Variants in ABCG1 observed in about 807,000 individuals in gnomAD.
ABCG1 encodes ATP-binding cassette sub-family G member 1.
ABCG1 carries 29 observed loss-of-function variants against 69.2 expected under a neutral mutation model. The observed-to-expected ratio is 0.42, with a 90% confidence interval of 0.31 to 0.57. The LOEUF (loss-of-function observed/expected upper bound fraction) is 0.57, where lower values mean the gene tolerates loss of function less well. Among genes scored for constraint, ABCG1 ranks in the 20% least tolerant of loss-of-function variants. The probability of loss-of-function intolerance (pLI) is 0.15; values close to 1 mark genes in which losing one functional copy is unlikely to be tolerated. For synonymous variants in ABCG1, 370 were observed against 374.8 expected (o/e 0.99, Z 0.15); for missense variants, 718 against 898.1 (o/e 0.80, Z 2.56).
intron 2 of ABCG1, among the ~76,000 whole-genome samples, chr21:42,246,133 G>A (rs1601386367): frequency 6.6e-6 from 1 of 152,202 alleles, no homozygotes; most frequent in East Asian, 1.9e-4. Context: ...GACATCTGGG[G>A]AACTCATTTA....
intron 14 of ABCG1, among the ~76,000 whole-genome samples, chr21:42,295,729 G>A (rs1235135892): frequency 6.6e-6 from 1 of 152,230 alleles, no homozygotes; most frequent in Non-Finnish European, 1.5e-5. Context: ...CTCAAAATGA[G>A]TGCTTTTGTT....
At position 42,288,288 on chromosome 21, in the gene ABCG1, C is replaced by T. The variant is rs1235722348; in HGVS notation, c.1200C>T (p.Thr400=). The T allele has an allele frequency of 1.2e-6, 2 of 1,612,174 alleles. No individual in the cohort carries two copies. Among genetic ancestry groups the T allele is most frequent in the Non-Finnish European group, 8.5e-7 (1 of 1,178,504 alleles). The change falls in exon 10 of 15, where the codon ACC becomes ACT. Residue 400 remains threonine, a synonymous_variant. Transcript: ENST00000398449. The surrounding 1 kb of genome is among the most constrained non-coding windows in gnomAD (Gnocchi z 4.8). Reference sequence around the variant, plus strand: ...AGTTCTGCATCCTCTTCAAGAGGACCTTCCTCAGCATCATGAGGGACTCGG... The same window carrying T: ...AGTTCTGCATCCTCTTCAAGAGGACTTTCCTCAGCATCATGAGGGACTCGG... ...LTQFCILFKR[T]FLSIMRDSVL... is the part of the protein sequence containing the mutation.
At chr21:42,263,438 C>A (rs1025270252) in intron 2 of ABCG1, among the ~76,000 whole-genome samples, 11 of 152,190 alleles carry the variant, frequency 7.2e-5, no homozygotes, top group African/African-American at 2.7e-4. Context: ...TGAGGGAGCT[C>A]CTAGGAGTGG....
Position 42,279,842 on chromosome 21 carries a change from G to A in ABCG1, c.589-2432G>A, listed in dbSNP as rs542646083. Among the ~76,000 whole-genome samples the A allele has an allele frequency of 5.3e-5, 8 of 152,310 alleles. No homozygotes were observed. In the South Asian group the frequency reaches 1.7e-3, roughly 32 times the overall value. ...GCTGGCATCTTGGTGGAGAATGGAG[G>A]CGCCTCCCAGGAGTAGCTACACGGG... On this transcript the variant is annotated intron_variant, in intron 5 of 14. Transcript: ENST00000398449.
Position 42,278,851 on chromosome 21 carries a change from C to T in ABCG1, c.588+1906C>T, listed in dbSNP as rs6586300. On this transcript the variant is annotated intron_variant, in intron 5 of 14. Transcript: ENST00000398449. ...ACGGGGCCCTGGGATTGAGCCAGGGCGACCTTCACTCTCCCTGTCTGAGGT... is the reference window on the plus strand; with the variant it reads ...ACGGGGCCCTGGGATTGAGCCAGGGTGACCTTCACTCTCCCTGTCTGAGGT... Among the ~76,000 whole-genome samples the T allele has an allele frequency of 5.2e-3, 791 of 151,954 alleles. 11 individuals carry two copies. Among genetic ancestry groups the T allele is most frequent in the African/African-American group, 0.018 (757 of 41,456 alleles).
chr21:42,221,614 C>G (rs1188264245), intron 1 of ABCG1, among the ~76,000 whole-genome samples: 1 of 152,158 alleles, frequency 6.6e-6, no homozygotes, highest in Non-Finnish European at 1.5e-5. Flanking sequence ...GGGTATGATG[C>G]CTTTGGTATT....
chr21:42,273,075 A>T lies in ABCG1; in HGVS notation c.405-228A>T, dbSNP rs754666128. 1.7e-4 allele frequency among the ~76,000 whole-genome samples: 26 copies of T among 152,182 alleles called. No homozygotes were observed. Among genetic ancestry groups the T allele is most frequent in the Non-Finnish European group, 2.5e-4 (17 of 68,022 alleles). ...CACCATCCCACGGAGGCCTGTGTGCAGCTTCCTCTTCCCAGCAGGAGCTTT... is the reference window on the plus strand; with the variant it reads ...CACCATCCCACGGAGGCCTGTGTGCTGCTTCCTCTTCCCAGCAGGAGCTTT... On this transcript the variant is annotated intron_variant, in intron 3 of 14. Coordinates refer to ENST00000398449, the MANE Select transcript of ABCG1 (RefSeq NM_016818.3). The surrounding 1 kb of genome is among the most constrained non-coding windows in gnomAD (Gnocchi z 5.3).
At chr21:42,243,077 A>G (rs1439761054) in intron 2 of ABCG1, among the ~76,000 whole-genome samples, 1 of 152,180 alleles carries the variant, frequency 6.6e-6, no homozygotes, top group Non-Finnish European at 1.5e-5. Context: ...CCACACTTGC[A>G]CCACAGGCAG....
chr21:42,264,953 G>A (rs886394179), intron 2 of ABCG1, among the ~76,000 whole-genome samples: 4 of 152,222 alleles, frequency 2.6e-5, no homozygotes, highest in Admixed American at 6.5e-5. Context: ...GTTTCTGCCC[G>A]TGGTGGCAGA....
At chr21:42,201,198 C>T (rs1443698849) in intron 1 of ABCG1, among the ~76,000 whole-genome samples, 1 of 152,200 alleles carries the variant, frequency 6.6e-6, no homozygotes, top group Non-Finnish European at 1.5e-5. Context: ...TCAAACCTCT[C>T]TGCCAATGTT....
chr21:42,202,420 T>C (rs1403581232), intron 2 of ABCG1, among the ~76,000 whole-genome samples: 1 of 152,070 alleles, frequency 6.6e-6, no homozygotes, highest in African/African-American at 2.4e-5. Context: ...ACAGGAAGCA[T>C]GGAGGAGTAA....
intron 2 of ABCG1, among the ~76,000 whole-genome samples, chr21:42,205,511 T>C (rs944038098): frequency 6.6e-5 from 10 of 151,812 alleles, no homozygotes; most frequent in Non-Finnish European, 1.5e-4. Flanking sequence ...AGCAGGAGAA[T>C]TGCTTGAACC....
rs146483452 is a variant in ABCG1 at position 42,288,261 on chromosome 21, G to T, written c.1173G>T (p.Thr391=). 6.2e-7 allele frequency: 1 copy of T among 1,614,186 alleles called. No homozygotes were observed. The highest frequency in any genetic ancestry group is 1.1e-5 in the South Asian group (1 of 91,086). Reference sequence around the variant, plus strand: ...ACAGCTTCTCTGCCAGCTGCCTCACGCAGTTCTGCATCCTCTTCAAGAGGA... The same window carrying T: ...ACAGCTTCTCTGCCAGCTGCCTCACTCAGTTCTGCATCCTCTTCAAGAGGA... ...GCHSFSASCL[T]QFCILFKRTF... The change falls in exon 10 of 15, where the codon ACG becomes ACT. Residue 391 remains threonine, a synonymous_variant. Transcript: ENST00000398449. The surrounding 1 kb of genome is among the most constrained non-coding windows in gnomAD (Gnocchi z 4.8).
intron 2 of ABCG1, among the ~76,000 whole-genome samples, chr21:42,234,319 A>G (rs2123563722): frequency 6.6e-6 from 1 of 152,270 alleles, no homozygotes; most frequent in African/African-American, 2.4e-5. Flanking sequence ...GACCCAGATA[A>G]TAAAATAAGC....
chr21:42,284,721 T>C (rs762015765), intron 7 of ABCG1, 38 bp downstream of exon 7: 9 of 1,605,156 alleles, frequency 5.6e-6, no homozygotes, highest in African/African-American at 1.3e-5. Flanking sequence ...AGATTACCAC[T>C]GCACTCAGGT....
rs945474901 is a variant in ABCG1, at chr21:42,276,682, A to C, written c.538-213A>C. 1 of 559,228 alleles carries C rather than the reference A, an allele frequency of 1.8e-6. No homozygotes were observed. Among genetic ancestry groups the C allele is most frequent in the Non-Finnish European group, 3.2e-6 (1 of 312,972 alleles). The allele number at this position is 559,228 out of a possible 1,614,324, so 34.6% of individuals were successfully genotyped here. A position where few individuals can be genotyped will look rare whatever the true frequency, so the allele number is the denominator to read the frequency against. ...GGCCTTATGCCTAGCTGCACTGTGG[A>C]TAGCTGCACCGTGACTAGTGGCACC... On this transcript the variant is annotated intron_variant, in intron 4 of 14. Transcript: ENST00000398449. This position sits in a 1 kb window ranked among gnomAD's most constrained non-coding sequence, Gnocchi z 5.3.
At chr21:42,285,857 T>C in intron 7 of ABCG1, 23 bp from the exon 8 acceptor site, 2 of 1,559,982 alleles carry the variant, frequency 1.3e-6, no homozygotes, top group Non-Finnish European at 1.8e-6. Context: ...GCTTGATCCC[T>C]TTTTCTCCTT....
In ABCG1 at chr21:42,288,189, C is replaced by G. The variant is rs752904380; in HGVS notation, c.1123-22C>G. 2.5e-6 allele frequency: 4 copies of G among 1,612,704 alleles called. No homozygotes were observed. The South Asian group carries it at 4.4e-5, about 18-fold the overall frequency. On this transcript the variant is annotated intron_variant, in intron 9 of 14. Coordinates refer to ENST00000398449, the MANE Select transcript of ABCG1 (RefSeq NM_016818.3). The surrounding 1 kb of genome is among the most constrained non-coding windows in gnomAD (Gnocchi z 4.8). ...GGCTCCGGACTGGCTTTCACCCGCT[C>G]CCCTCTTGCGTGTGTCCTCAGGACT...
At chr21:42,254,865 GTGT>G (rs2068277728) in intron 2 of ABCG1, among the ~76,000 whole-genome samples, 2 of 152,230 alleles carry the variant, frequency 1.3e-5, no homozygotes, top group Non-Finnish European at 2.9e-5. Context: ...AGGGGAGGGA[GTGT>G]AGCGCAGCTG....
Sources: gnomAD v4.1 joint callset for allele counts (sites outside exome capture counted in the v4.1 genomes callset) on GRCh38, gnomAD v4.1.1 for gene constraint, Gnocchi (gnomAD v3.1) non-coding constraint, MANE v1.5 for transcripts, NCBI Gene and HGNC (gene_info 2026-07-23, HGNC 2026-07-21) for gene names.